Variants in GOLM1 observed in about 807,000 individuals in gnomAD.
GOLM1 encodes the protein epididymis luminal protein 46.
In GOLM1, 31 loss-of-function variants were observed where a neutral mutation model predicts 50.5. That is an observed-to-expected ratio of 0.61 (90% CI 0.46 to 0.83). The LOEUF (loss-of-function observed/expected upper bound fraction) is 0.83, where lower values mean the gene tolerates loss of function less well. Among genes scored for constraint, GOLM1 ranks in the 40% least tolerant of loss-of-function variants. GOLM1 has a pLI of 0.00. For missense variants in GOLM1, 491 were observed against 501.3 expected (o/e 0.98, Z 0.20); for synonymous variants, 178 against 192.8 (o/e 0.92, Z 0.64).
chr9:86,097,865 T>C (rs1373918380), intron 1 of GOLM1, among the ~76,000 whole-genome samples: 1 of 152,114 alleles, frequency 6.6e-6, no homozygotes, highest in Non-Finnish European at 1.5e-5. Context: ...CTAACTGTTG[T>C]TTCTGCCCAG....
intron 1 of GOLM1, among the ~76,000 whole-genome samples, chr9:86,098,447 A>C (rs1022306468): frequency 6.6e-6 from 1 of 152,208 alleles, no homozygotes; most frequent in African/African-American, 2.4e-5. Flanking sequence ...TCATCAGGTT[A>C]TTGTGTATCT....
At chr9:86,089,201 C>A (rs937871835) in intron 1 of GOLM1, among the ~76,000 whole-genome samples, 2 of 152,136 alleles carry the variant, frequency 1.3e-5, no homozygotes, top group Admixed American at 6.6e-5. Context: ...TTTTTTCCTT[C>A]ATTTCAACCT....
In GOLM1 at chr9:86,043,839, C is replaced by A. The variant is rs73476984; in HGVS notation, c.467+2631G>T. 5.8e-3 allele frequency among the ~76,000 whole-genome samples: 884 copies of A among 152,318 alleles called. 8 individuals carry two copies. The highest frequency in any genetic ancestry group is 0.02 in the African/African-American group (846 of 41,560). ...AGAGATTCCTTCCCTGTCACTGGAT[C>A]CTGACTGATTGCCAGCTAGGTCAAA... is the stretch of plus-strand genomic sequence containing the variant. On this transcript the variant is annotated intron_variant, in intron 5 of 9. Transcript: ENST00000388712.
intron 4 of GOLM1, among the ~76,000 whole-genome samples, chr9:86,049,430 G>GGA (rs2118715227): frequency 6.6e-6 from 1 of 152,218 alleles, no homozygotes; most frequent in Non-Finnish European, 1.5e-5. Context: ...AGCTTGATGG[G>GGA]GATGGCATTG....
intron 9 of GOLM1, among the ~76,000 whole-genome samples, chr9:86,030,476 T>C (rs187477311): frequency 1.4e-3 from 207 of 152,190 alleles, no homozygotes; most frequent in African/African-American, 4.5e-3. Flanking sequence ...CCTGGAGAAA[T>C]ATAAAAGATA....
intron 3 of GOLM1, among the ~76,000 whole-genome samples, chr9:86,064,247 A>G (rs111765887): frequency 1.7e-4 from 26 of 152,358 alleles, no homozygotes; most frequent in African/African-American, 5.5e-4. Flanking sequence ...GTTGAATCCA[A>G]TTGACAAACT....
In GOLM1 at chr9:86,060,876, C is replaced by CAAAAAAAAAAAAAAAAAA. The variant is rs753183065; in HGVS notation, c.310-8303_310-8286dup. On this transcript the variant is annotated intron_variant, in intron 3 of 9. Transcript: ENST00000388712. Reference sequence around the variant, plus strand: ...CTGGGCAACAAGAGCGAAACTCTCTCAAAAAAAAAAAAAAAAAAAAAAAAA... The same window carrying CAAAAAAAAAAAAAAAAAA: ...CTGGGCAACAAGAGCGAAACTCTCTCAAAAAAAAAAAAAAAAAAAAAAAAAAAAAAAAAAAAAAAAAAA... Among the ~76,000 whole-genome samples the CAAAAAAAAAAAAAAAAAA allele has an allele frequency of 6.0e-4, 12 of 19,910 alleles. 2 individuals carry two copies. The highest frequency in any genetic ancestry group is 1.4e-3 in the Non-Finnish European group (11 of 8,024). 13.1% of individuals were successfully genotyped at this position (19,910 alleles called of 152,430 possible). A position where few individuals can be genotyped will look rare whatever the true frequency, so the allele number is the denominator to read the frequency against.
intron 3 of GOLM1, among the ~76,000 whole-genome samples, chr9:86,063,049 C>G (rs911121979): frequency 6.6e-6 from 1 of 152,186 alleles, no homozygotes; most frequent in African/African-American, 2.4e-5. Flanking sequence ...CAGCTCTTCC[C>G]GCTGCTCTCA....
At chr9:86,098,384 G>A (rs200708712) in intron 1 of GOLM1, among the ~76,000 whole-genome samples, 2 of 152,168 alleles carry the variant, frequency 1.3e-5, no homozygotes, top group East Asian at 3.8e-4. Flanking sequence ...TGAGATTTGA[G>A]CCAACCTGAT....
Position 86,036,423 on chromosome 9 carries a change from G to A in GOLM1, c.682C>T (p.Leu228Phe), listed in dbSNP as rs755976250. 1.1e-5 allele frequency: 17 copies of A among 1,614,008 alleles called. No homozygotes were observed. The South Asian group carries it at 1.1e-4, about 10-fold the overall frequency. Residue 228 changes from leucine to phenylalanine, a missense_variant, in exon 7 of 10, where the codon CTT becomes TTT. Transcript: ENST00000388712. ...TEVPQGKGNVLGNSKSQTPAP... is the reference protein window; with the variant it reads ...TEVPQGKGNVFGNSKSQTPAP... ...GGTGTCTGGGACTTGCTGTTACCAA[G>A]CACGTTTCCCTTCCCTTGTGGCACC...
chr9:86,079,150 C>T (rs1834711228), intron 2 of GOLM1, 42 bp downstream of exon 2: 1 of 1,469,068 alleles, frequency 6.8e-7, no homozygotes, highest in Non-Finnish European at 9.1e-7. Context: ...ATAAACAAAA[C>T]ATAAACATAA....
chr9:86,046,922 G>T (rs1272798687), intron 4 of GOLM1, among the ~76,000 whole-genome samples: 2 of 152,122 alleles, frequency 1.3e-5, no homozygotes, highest in African/African-American at 4.8e-5. Context: ...TGTCCCCAAA[G>T]GTCACACACA....
intron 4 of GOLM1, among the ~76,000 whole-genome samples, 197 bp from the exon 5 acceptor site, chr9:86,046,769 G>GC (rs1395877693): frequency 6.6e-6 from 1 of 152,170 alleles, no homozygotes; most frequent in Admixed American, 6.5e-5. Context: ...AGAGTGCTCT[G>GC]CAAGAGCAGC....
chr9:86,063,750 A>G (rs1387085776), intron 3 of GOLM1, among the ~76,000 whole-genome samples: 1 of 152,226 alleles, frequency 6.6e-6, no homozygotes, highest in Non-Finnish European at 1.5e-5. Context: ...CAACCACAAC[A>G]GCAAAACCCA....
intron 5 of GOLM1, 144 bp from the exon 6 acceptor site, chr9:86,041,012 C>A (rs371448126): frequency 1.1e-5 from 7 of 658,750 alleles, no homozygotes; most frequent in Non-Finnish European, 1.8e-5. Context: ...CAGGGCAACA[C>A]GGGTGTGTGT....
intron 9 of GOLM1, among the ~76,000 whole-genome samples, chr9:86,031,234 G>A (rs1832970692): frequency 1.3e-5 from 2 of 151,838 alleles, no homozygotes; most frequent in South Asian, 2.1e-4. Flanking sequence ...AAAGGGCATC[G>A]GCAGGATCAG....
intron 1 of GOLM1, among the ~76,000 whole-genome samples, chr9:86,099,202 G>C (rs544677750): frequency 6.6e-6 from 1 of 151,596 alleles, no homozygotes; most frequent in South Asian, 2.1e-4. Context: ...GAGCCGAGGG[G>C]CCCAGGCAGC....
intron 3 of GOLM1, among the ~76,000 whole-genome samples, chr9:86,054,335 C>T (rs534963007): frequency 6.6e-6 from 1 of 150,878 alleles, no homozygotes; most frequent in South Asian, 2.1e-4. Flanking sequence ...GGCGCGATCT[C>T]CGGTTCACTG....
At position 86,035,583 on chromosome 9, in the gene GOLM1, C is replaced by T. The variant is rs754695696; in HGVS notation, c.800G>A (p.Arg267Lys). ...GCCTGGCTCCTGCGGCAGCCTGTCC[C>T]TCTGAGGCTCCTCATTCACCACCTG... ...EIQVVNEEPQ[R>K]DRLPQEPGRE... Residue 267 changes from arginine (R) to lysine (K), a missense_variant, in exon 8 of 10, where the codon AGG becomes AAG. Arg to Lys is a conservative substitution (Grantham distance 26, BLOSUM62 2). Transcript: ENST00000388712. 1.2e-6 allele frequency: 2 copies of T among 1,606,474 alleles called. No individual in the cohort carries two copies. The highest frequency in any genetic ancestry group is 1.7e-6 in the Non-Finnish European group (2 of 1,179,200).
Sources: gnomAD v4.1 joint callset for allele counts (sites outside exome capture counted in the v4.1 genomes callset) on GRCh38, gnomAD v4.1.1 for gene constraint, MANE v1.5 for transcripts, NCBI Gene and HGNC (gene_info 2026-07-23, HGNC 2026-07-21) for gene names.